Variants in BCAT1 observed in about 807,000 individuals in gnomAD.
BCAT1 encodes the protein branched-chain-amino-acid aminotransferase, cytosolic.
BCAT1 carries 48 observed loss-of-function variants against 52.4 expected under a neutral mutation model. The observed-to-expected ratio is 0.92, with a 90% CI of 0.73 to 1.16. BCAT1 has a LOEUF of 1.16. Ranked by LOEUF, BCAT1 falls within the 50% of genes most tolerant of loss-of-function variation. The pLI is 0.00. For synonymous variants in BCAT1, 167 were observed against 161.3 expected, an observed-to-expected ratio of 1.04 and a Z score of -0.27; for missense variants, 451 against 457.1, an observed-to-expected ratio of 0.99 and a Z score of 0.12.
chr12:24,838,273 A>AG (rs1360743218), intron 7 of BCAT1, among the ~76,000 whole-genome samples: 3 of 152,242 alleles, frequency 2.0e-5, no homozygotes, highest in Admixed American at 6.5e-5. Flanking sequence ...TGAGTAAAAA[A>AG]TAAACGAATA....
intron 1 of BCAT1, among the ~76,000 whole-genome samples, chr12:24,916,157 T>C (rs1422365786): frequency 1.3e-5 from 2 of 152,156 alleles, no homozygotes; most frequent in African/African-American, 4.8e-5. Context: ...AGATTCCGTG[T>C]CAAAAAAACA....
At chr12:24,885,828 T>C (rs913674048) in intron 3 of BCAT1, among the ~76,000 whole-genome samples, 1 of 152,034 alleles carries the variant, frequency 6.6e-6, no homozygotes, top group African/African-American at 2.4e-5. Context: ...TGGGTATACA[T>C]AGGTGGAAAA....
intron 5 of BCAT1, among the ~76,000 whole-genome samples, chr12:24,863,836 T>A (rs1941922030): frequency 6.6e-6 from 1 of 151,794 alleles, no homozygotes; most frequent in Admixed American, 6.6e-5. Flanking sequence ...GAGGCTGAGG[T>A]GGGAGGATTA....
chr12:24,894,535 TATACAGAG>T, intron 2 of BCAT1, 60 bp from the exon 3 acceptor site: 1 of 1,363,588 alleles, frequency 7.3e-7, no homozygotes, highest in South Asian at 1.4e-5. Context: ...CTGGCTAGAT[TATACAGAG>T]GGGAAAAAAA....
intron 3 of BCAT1, among the ~76,000 whole-genome samples, chr12:24,887,080 A>AAAAAAAAAAAT (rs1245203518): frequency 0.013 from 509 of 40,644 alleles, 11 homozygotes; most frequent in Middle Eastern, 0.019. Context: ...AAAAAAAAAA[A>AAAAAAAAAAAT]ATATATATAT....
chr12:24,920,374 G>A (rs1262866982), intron 1 of BCAT1, among the ~76,000 whole-genome samples: 1 of 152,196 alleles, frequency 6.6e-6, no homozygotes, highest in African/African-American at 2.4e-5. Flanking sequence ...CTGCAGGGCT[G>A]AGAAGTAATG....
At chr12:24,930,814 T>G (rs771061980) in intron 1 of BCAT1, among the ~76,000 whole-genome samples, 1 of 151,996 alleles carries the variant, frequency 6.6e-6, no homozygotes, top group Non-Finnish European at 1.5e-5. Context: ...TTTAGAAGGT[T>G]CTTTAGATGT....
At chr12:24,850,060 G>T in intron 5 of BCAT1, 111 bp from the exon 6 acceptor site, 1 of 1,031,452 alleles carries the variant, frequency 9.7e-7, no homozygotes, top group Non-Finnish European at 1.3e-6. Context: ...AATTACAGGA[G>T]CTATTACCAT....
chr12:24,850,158 T>C lies in BCAT1; in HGVS notation c.511-209A>G, dbSNP rs560840142. ...TACATACATTTCATTTTGCTTTGCT[T>C]TCTGAGTTGTTAGGATTTTAGCAAA... On this transcript the variant is annotated intron_variant, in intron 5 of 10. Transcript: ENST00000261192. Among the ~76,000 whole-genome samples the C allele has an allele frequency of 2.0e-5, 3 of 152,344 alleles. No homozygotes were observed. The East Asian group carries it at 5.8e-4, about 29-fold the overall frequency.
chr12:24,932,796 C>A (rs72640138), intron 1 of BCAT1, among the ~76,000 whole-genome samples: 20 of 150,928 alleles, frequency 1.3e-4, no homozygotes, highest in African/African-American at 4.6e-4. Context: ...GCCACCATGC[C>A]TGGTTAATTT....
At chr12:24,855,567 G>A (rs1246250845) in intron 5 of BCAT1, among the ~76,000 whole-genome samples, 3 of 151,984 alleles carry the variant, frequency 2.0e-5, no homozygotes, top group African/African-American at 7.3e-5. Flanking sequence ...TTTTAGTAGA[G>A]ATGGGGTTTC....
At chr12:24,844,775 T>C (rs925787371) in intron 6 of BCAT1, among the ~76,000 whole-genome samples, 25 of 150,340 alleles carry the variant, frequency 1.7e-4, no homozygotes, top group African/African-American at 4.7e-4. Context: ...CTGGCGCCTG[T>C]AGTCCCAGCT....
At chr12:24,855,542 G>A (rs1000667148) in intron 5 of BCAT1, among the ~76,000 whole-genome samples, 2 of 151,870 alleles carry the variant, frequency 1.3e-5, no homozygotes, top group African/African-American at 4.8e-5. Flanking sequence ...CACCACACCC[G>A]GCTAGTTTTT....
At chr12:24,859,710 T>G (rs1170629815) in intron 5 of BCAT1, among the ~76,000 whole-genome samples, 3 of 152,162 alleles carry the variant, frequency 2.0e-5, no homozygotes, top group African/African-American at 7.2e-5. Context: ...GACCTGGGAT[T>G]CGATTTTATA....
chr12:24,836,906 G>GGA (rs1940968976), intron 7 of BCAT1, among the ~76,000 whole-genome samples: 1 of 76,212 alleles, frequency 1.3e-5, no homozygotes, highest in Admixed American at 1.6e-4. Flanking sequence ...AGAAAAGAAA[G>GGA]AGAGAAAGAA....
intron 3 of BCAT1, among the ~76,000 whole-genome samples, chr12:24,886,851 G>T (rs909148342): frequency 8.9e-5 from 11 of 123,414 alleles, no homozygotes; most frequent in Admixed American, 1.6e-4. Flanking sequence ...AAAAAAAAGA[G>T]GCCGGGCATA....
chr12:24,913,982 G>T (rs1241998136), intron 1 of BCAT1, among the ~76,000 whole-genome samples: 2 of 152,124 alleles, frequency 1.3e-5, no homozygotes, highest in African/African-American at 2.4e-5. Flanking sequence ...GGGAAGAGGG[G>T]TTGTAGTCTT....
chr12:24,900,029 C>CTA lies in BCAT1; in HGVS notation c.78+1783_78+1784dup, dbSNP rs1178280884. Among the ~76,000 whole-genome samples the CTA allele has an allele frequency of 4.0e-5, 6 of 151,220 alleles. No homozygotes were observed. The South Asian group carries it at 6.3e-4, about 16-fold the overall frequency. On this transcript the variant is annotated intron_variant, in intron 2 of 10. Transcript: ENST00000261192. ...TGATTATAGTTAACAACAATGTAGG[C>CTA]TATATATATATATTTTGTTTGTTTG...
chr12:24,926,592 A>C (rs1943591638), intron 1 of BCAT1, among the ~76,000 whole-genome samples: 1 of 151,724 alleles, frequency 6.6e-6, no homozygotes, highest in Non-Finnish European at 1.5e-5. Context: ...GACATAGGAG[A>C]CTCCATTTTG....
Sources: allele counts gnomAD v4.1 joint callset (sites outside exome capture counted in the v4.1 genomes callset), GRCh38; gene constraint gnomAD v4.1.1; transcripts MANE v1.5; gene names NCBI Gene and HGNC (gene_info 2026-07-23, HGNC 2026-07-21).